KMT2C: variants seen among roughly 807,000 people sequenced by gnomAD.
KMT2C encodes the protein histone-lysine N-methyltransferase 2C.
KMT2C carries 88 observed loss-of-function variants against 507.9 expected under a neutral mutation model. The observed-to-expected ratio is 0.17, with a 90% confidence interval of 0.15 to 0.21. The LOEUF (loss-of-function observed/expected upper bound fraction) is 0.21, where lower values mean the gene tolerates loss of function less well. KMT2C is among the 10% of genes least tolerant of loss of function. The pLI, the probability that KMT2C is intolerant of heterozygous loss-of-function variation, is 1.00. For synonymous variants in KMT2C, 2,049 were observed against 2,080.8 expected (o/e 0.98, Z 0.42); for missense variants, 4,954 against 5,957.8 (o/e 0.83, Z 5.55).
At chr7:152,184,572 C>T (rs1249027000) in intron 34 of KMT2C, among the ~76,000 whole-genome samples, 1 of 152,078 alleles carries the variant, frequency 6.6e-6, no homozygotes, top group African/African-American at 2.4e-5. Context: ...CTCTATGAAA[C>T]CTAACAAGAA....
intron 51 of KMT2C, 113 bp from the exon 52 acceptor site, chr7:152,149,265 G>A: frequency 1.0e-6 from 1 of 985,638 alleles, no homozygotes; most frequent in Non-Finnish European, 1.4e-6. Context: ...GTGACCTGAG[G>A]GGCAGAGGGA....
intron 1 of KMT2C, among the ~76,000 whole-genome samples, chr7:152,424,516 G>A (rs2097798754): frequency 6.6e-6 from 1 of 151,682 alleles, no homozygotes; most frequent in African/African-American, 2.4e-5. Context: ...TCACCCTCCT[G>A]GGCTTGACCA....
intron 58 of KMT2C, chr7:152,137,833 T>C (rs982625180): frequency 6.6e-6 from 1 of 152,266 alleles, no homozygotes; most frequent in Non-Finnish European, 1.5e-5. Context: ...CATTGGTTAC[T>C]GGCACTGTGC....
In KMT2C at chr7:152,140,694, T is replaced by C. The variant is rs547790793; in HGVS notation, c.14344-903A>G. Among the ~76,000 whole-genome samples, 38 of 152,332 alleles carry C rather than the reference T, an allele frequency of 2.5e-4. 1 individual carries two copies. The highest frequency in any genetic ancestry group is 8.9e-4 in the African/African-American group (37 of 41,570). On this transcript the variant is annotated intron_variant, in intron 55 of 58. Transcript: ENST00000262189. ...TAGAATGCAGAAATCAACTGCATTC[T>C]AGTCGGAATTACTAGGAGGACCATG...
intron 14 of KMT2C, among the ~76,000 whole-genome samples, chr7:152,241,626 G>A (rs201847849): frequency 2.9e-4 from 44 of 152,248 alleles, no homozygotes; most frequent in African/African-American, 8.9e-4. Context: ...CACCTAGGAC[G>A]TTTTATTGTT....
chr7:152,184,662 G>A (rs867266576), intron 34 of KMT2C, among the ~76,000 whole-genome samples: 3 of 152,324 alleles, frequency 2.0e-5, no homozygotes, highest in African/African-American at 7.2e-5. Flanking sequence ...TATCCATGGG[G>A]TATTGGTTCC....
At chr7:152,386,775 A>G (rs901428837) in intron 1 of KMT2C, among the ~76,000 whole-genome samples, 1 of 152,266 alleles carries the variant, frequency 6.6e-6, no homozygotes, top group Non-Finnish European at 1.5e-5. Context: ...TCATCACAAC[A>G]ACCATTATTC....
chr7:152,264,537 A>G (rs1034629765), intron 8 of KMT2C, among the ~76,000 whole-genome samples: 71 of 152,238 alleles, frequency 4.7e-4, no homozygotes, highest in African/African-American at 1.6e-3. Context: ...GATGTACATT[A>G]AAATAATAGT....
At chr7:152,302,935 C>T (rs2096583554) in intron 6 of KMT2C, among the ~76,000 whole-genome samples, 1 of 152,026 alleles carries the variant, frequency 6.6e-6, no homozygotes, top group Non-Finnish European at 1.5e-5. Context: ...TGAGACGCCG[C>T]GCCTGGCCAA....
chr7:152,255,134 T>TAC (rs1563606807), intron 9 of KMT2C, among the ~76,000 whole-genome samples: 6 of 124,480 alleles, frequency 4.8e-5, no homozygotes, highest in African/African-American at 2.1e-4. Context: ...TATATATATA[T>TAC]ATATATATAT....
chr7:152,208,285 T>A (rs1322516406), intron 23 of KMT2C, among the ~76,000 whole-genome samples: 1 of 152,242 alleles, frequency 6.6e-6, no homozygotes, highest in Non-Finnish European at 1.5e-5. Context: ...TGTATCAAGC[T>A]CTTTCTTCCA....
intron 1 of KMT2C, among the ~76,000 whole-genome samples, chr7:152,410,613 ATATAT>A (rs978168410): frequency 9.7e-5 from 14 of 144,314 alleles, no homozygotes; most frequent in Middle Eastern, 3.6e-3. Flanking sequence ...TTTAATTTAT[ATATAT>A]TATATTATAA....
At chr7:152,366,910 G>A (rs1306436256) in intron 1 of KMT2C, 2 of 434,958 alleles carry the variant, frequency 4.6e-6, no homozygotes, top group East Asian at 5.2e-5. Flanking sequence ...CTGGCGCTGC[G>A]AGCCAACGGG....
chr7:152,434,531 C>T (rs2097897565), intron 1 of KMT2C, among the ~76,000 whole-genome samples: 1 of 152,172 alleles, frequency 6.6e-6, no homozygotes, highest in Non-Finnish European at 1.5e-5. Context: ...CATAAACGTG[C>T]TGGCTTCCTT....
intron 14 of KMT2C, among the ~76,000 whole-genome samples, chr7:152,244,714 T>C (rs1246692333): frequency 6.6e-6 from 1 of 152,148 alleles, no homozygotes; most frequent in Non-Finnish European, 1.5e-5. Context: ...AAATCCTGCG[T>C]CTACAATAGG....
chr7:152,320,197 TTCCAAAATCCAAAAAAAA>T (rs1161703972), intron 3 of KMT2C, among the ~76,000 whole-genome samples: 3 of 152,164 alleles, frequency 2.0e-5, no homozygotes, highest in African/African-American at 7.2e-5. Flanking sequence ...TGTGCAAATA[TTCCAAAATCCAAAAAAAA>T]TCCAAAATCC....
At chr7:152,157,626 C>A in intron 44 of KMT2C, 2 of 437,864 alleles carry the variant, frequency 4.6e-6, no homozygotes, top group South Asian at 3.9e-5. Flanking sequence ...AAATTTTAAC[C>A]CTGTAGCTGA....
At chr7:152,290,290 ATATATTTTTTTTTTTTTTTTTTTTT>A (rs2096403083) in intron 6 of KMT2C, among the ~76,000 whole-genome samples, 1 of 32,034 alleles carries the variant, frequency 3.1e-5, no homozygotes, top group Admixed American at 5.2e-4. Context: ...ATATATATAT[ATATATTTTTTTTTTTTTTTTTTTTT>A]TTTTTTTTTG....
rs2096543310 is a variant in KMT2C at position 152,299,221 on chromosome 7, G to C, written c.849+10745C>G. Reference sequence around the variant, plus strand: ...TAATCCCAGCTACTCAGGAGACTGAGGCAGGAGAATCGCTTGAACCCAGGA... The same window carrying C: ...TAATCCCAGCTACTCAGGAGACTGACGCAGGAGAATCGCTTGAACCCAGGA... On this transcript the variant is annotated intron_variant, in intron 6 of 58. Coordinates refer to ENST00000262189, the MANE Select transcript of KMT2C (RefSeq NM_170606.3). 2.6e-5 allele frequency among the ~76,000 whole-genome samples: 4 copies of C among 152,058 alleles called. No individual in the cohort carries two copies. The South Asian group carries it at 8.3e-4, about 32-fold the overall frequency.
Sources: allele counts gnomAD v4.1 joint callset (sites outside exome capture counted in the v4.1 genomes callset), GRCh38; gene constraint gnomAD v4.1.1; transcripts MANE v1.5; gene names NCBI Gene and HGNC (gene_info 2026-07-23, HGNC 2026-07-21).